PPM1H: variants seen among roughly 807,000 people sequenced by gnomAD.
PPM1H encodes protein phosphatase, Mg2+/Mn2+ dependent 1H.
A neutral mutation model predicts 54.9 loss-of-function variants in PPM1H; 27 were observed. The ratio of observed to expected loss-of-function variants is 0.49; its 90% CI spans 0.36 to 0.68. The LOEUF (loss-of-function observed/expected upper bound fraction) is 0.68, where lower values mean the gene tolerates loss of function less well. PPM1H is among the 30% of genes least tolerant of loss of function. The pLI is 0.00. For missense variants in PPM1H, 596 were observed against 667.8 expected (o/e 0.89, Z 1.19); for synonymous variants, 305 against 270.8 (o/e 1.13, Z -1.24).
intron 5 of PPM1H, among the ~76,000 whole-genome samples, chr12:62,732,953 T>C (rs771150140): frequency 9.2e-5 from 14 of 152,232 alleles, no homozygotes; most frequent in Non-Finnish European, 1.9e-4. Context: ...TGTACTAAAC[T>C]ATTTTGTAAT....
rs143875123 is a variant in PPM1H at position 62,923,252 on chromosome 12, T to C, written c.245+11240A>G. ...TAGAGATAACTCAAGAATGGACTGA[T>C]GGATGGACACAGAAATGGGTACACA... On this transcript the variant is annotated intron_variant, in intron 1 of 9. Transcript: ENST00000228705. 1.9e-3 allele frequency among the ~76,000 whole-genome samples: 293 copies of C among 152,308 alleles called. 2 individuals are homozygous for C. The highest frequency in any genetic ancestry group is 6.8e-3 in the African/African-American group (281 of 41,580).
chr12:62,723,956 T>C (rs2076276672), intron 5 of PPM1H, among the ~76,000 whole-genome samples: 1 of 152,086 alleles, frequency 6.6e-6, no homozygotes, highest in African/African-American at 2.4e-5. Context: ...ACTCCTCCTC[T>C]AAAGCAAGCC....
intron 4 of PPM1H, among the ~76,000 whole-genome samples, chr12:62,771,045 G>GACACACAC (rs71086630): frequency 0.028 from 3,619 of 129,442 alleles, 75 homozygotes; most frequent in African/African-American, 0.041. Context: ...AAAAGAAAAA[G>GACACACAC]ACACACACAC....
intron 1 of PPM1H, among the ~76,000 whole-genome samples, chr12:62,859,269 G>A (rs1463531065): frequency 1.3e-5 from 2 of 151,648 alleles, no homozygotes; most frequent in African/African-American, 4.9e-5. Flanking sequence ...GAAATAGTGT[G>A]TAAAAAGCAA....
intron 2 of PPM1H, among the ~76,000 whole-genome samples, chr12:62,813,097 G>A (rs2076844780): frequency 6.6e-6 from 1 of 152,028 alleles, no homozygotes; most frequent in South Asian, 2.1e-4. Context: ...TTTATGGAGT[G>A]CCAACTGAGA....
chr12:62,867,562 C>CTCTTT (rs1481926545), intron 1 of PPM1H, among the ~76,000 whole-genome samples: 1 of 101,880 alleles, frequency 9.8e-6, no homozygotes, highest in Non-Finnish European at 1.9e-5. Context: ...CTTATGAGCA[C>CTCTTT]TATTTTTTTT....
intron 1 of PPM1H, among the ~76,000 whole-genome samples, chr12:62,861,620 C>A (rs779949880): frequency 6.6e-6 from 1 of 152,178 alleles, no homozygotes; most frequent in Non-Finnish European, 1.5e-5. Flanking sequence ...TCGTTTAATT[C>A]CAGAACAGAA....
intron 1 of PPM1H, among the ~76,000 whole-genome samples, chr12:62,903,502 T>A (rs1447210350): frequency 6.6e-6 from 1 of 152,188 alleles, no homozygotes; most frequent in Non-Finnish European, 1.5e-5. Context: ...ATGAATAAAA[T>A]TAATTCTGGT....
chr12:62,928,272 A>C (rs879525611), intron 1 of PPM1H, among the ~76,000 whole-genome samples: 2 of 152,230 alleles, frequency 1.3e-5, no homozygotes, highest in African/African-American at 2.4e-5. Flanking sequence ...AATAATTTGC[A>C]AAGTATCTAC....
intron 4 of PPM1H, among the ~76,000 whole-genome samples, chr12:62,782,474 G>C (rs182474702): frequency 2.6e-5 from 4 of 152,188 alleles, no homozygotes; most frequent in African/African-American, 9.7e-5. Flanking sequence ...ACTGTAAAGG[G>C]GGGTAATTGT....
At chr12:62,926,976 A>G (rs1213692809) in intron 1 of PPM1H, among the ~76,000 whole-genome samples, 7 of 152,182 alleles carry the variant, frequency 4.6e-5, no homozygotes, top group African/African-American at 1.7e-4. Flanking sequence ...CAACAACAAA[A>G]AGATATTTAA....
chr12:62,831,986 C>T (rs1400434776), intron 2 of PPM1H, 128 bp downstream of exon 2: 53 of 1,128,864 alleles, frequency 4.7e-5, no homozygotes, highest in Non-Finnish European at 3.8e-6. Context: ...CCCGCCACCC[C>T]ACTAACTCTG....
At chr12:62,839,255 CTCTG>C (rs1411197652) in intron 1 of PPM1H, among the ~76,000 whole-genome samples, 2 of 133,034 alleles carry the variant, frequency 1.5e-5, no homozygotes, top group Admixed American at 1.4e-4. Flanking sequence ...GGCTCCCAGG[CTCTG>C]TCTGTGGCTA....
At chr12:62,822,227 C>G in intron 2 of PPM1H, among the ~76,000 whole-genome samples, 1 of 152,114 alleles carries the variant, frequency 6.6e-6, no homozygotes, top group Non-Finnish European at 1.5e-5. Context: ...ATATATGCAC[C>G]CAATACAGGA....
chr12:62,648,751 C>T (rs905766775), intron 9 of PPM1H, 115 bp from the exon 10 acceptor site: 4 of 1,158,658 alleles, frequency 3.5e-6, no homozygotes, highest in Non-Finnish European at 4.8e-6. Flanking sequence ...GTTTCAAATA[C>T]ACTTACAATA....
At chr12:62,855,356 G>A (rs1401137660) in intron 1 of PPM1H, among the ~76,000 whole-genome samples, 1 of 152,098 alleles carries the variant, frequency 6.6e-6, no homozygotes, top group African/African-American at 2.4e-5. Context: ...AAACTACTAA[G>A]TCTAAAGTTG....
At chr12:62,742,986 A>C (rs191534953) in intron 4 of PPM1H, among the ~76,000 whole-genome samples, 1 of 152,318 alleles carries the variant, frequency 6.6e-6, no homozygotes, top group African/African-American at 2.4e-5. Flanking sequence ...ATGAACAGTA[A>C]GGTTTAGGGT....
At chr12:62,829,705 G>A (rs1259891200) in intron 2 of PPM1H, among the ~76,000 whole-genome samples, 2 of 152,140 alleles carry the variant, frequency 1.3e-5, no homozygotes, top group East Asian at 1.9e-4. Context: ...ACAGGGGAGG[G>A]CCACAGCTCC....
intron 8 of PPM1H, among the ~76,000 whole-genome samples, chr12:62,676,944 C>T (rs891557862): frequency 1.3e-5 from 2 of 152,174 alleles, no homozygotes; most frequent in African/African-American, 4.8e-5. Flanking sequence ...GAGTCCACAG[C>T]CTGGAGTGAG....
Sources: allele counts gnomAD v4.1 joint callset (sites outside exome capture counted in the v4.1 genomes callset), GRCh38; gene constraint gnomAD v4.1.1; transcripts MANE v1.5; gene names NCBI Gene and HGNC (gene_info 2026-07-23, HGNC 2026-07-21).